Variants in ROCK1 observed in about 807,000 individuals in gnomAD.
ROCK1 encodes Rho associated coiled-coil containing protein kinase 1.
Under a neutral mutation model 196.8 loss-of-function variants are expected in ROCK1, and 36 were observed. The ratio of observed to expected loss-of-function variants is 0.18; its 90% CI spans 0.14 to 0.24. The LOEUF is 0.24. Ranked by LOEUF, ROCK1 falls within the 10% of genes least tolerant of loss-of-function variation. The pLI, the probability that ROCK1 is intolerant of heterozygous loss-of-function variation, is 1.00. For synonymous variants in ROCK1, 443 were observed against 515.9 expected (o/e 0.86, Z 1.91); for missense variants, 920 against 1,562.0 (o/e 0.59, Z 6.93).
chr18:20,952,673 G>T (rs1389058578), intron 32 of ROCK1, among the ~76,000 whole-genome samples: 1 of 151,642 alleles, frequency 6.6e-6, no homozygotes, highest in South Asian at 2.1e-4. Context: ...TACTTGGGAG[G>T]CTGAGGCTGG....
intron 1 of ROCK1, among the ~76,000 whole-genome samples, chr18:21,073,563 T>A (rs2036405631): frequency 1.3e-5 from 2 of 152,226 alleles, no homozygotes; most frequent in Non-Finnish European, 2.9e-5. Context: ...GGTATGAGAA[T>A]TTAATGGCAC....
intron 9 of ROCK1, among the ~76,000 whole-genome samples, chr18:21,036,537 TG>T (rs1398525177): frequency 6.6e-6 from 1 of 152,218 alleles, no homozygotes; most frequent in Non-Finnish European, 1.5e-5. Flanking sequence ...CTTGAACTCC[TG>T]GGCTCAGGTG....
chr18:21,079,451 A>G (rs2036464234), intron 1 of ROCK1, among the ~76,000 whole-genome samples: 1 of 152,228 alleles, frequency 6.6e-6, no homozygotes, highest in African/African-American at 2.4e-5. Context: ...TATCAGGGTC[A>G]TCAGAAAATT....
At chr18:20,987,848 AC>A (rs1391546401) in intron 18 of ROCK1, among the ~76,000 whole-genome samples, 2 of 152,032 alleles carry the variant, frequency 1.3e-5, no homozygotes, top group South Asian at 4.1e-4. Flanking sequence ...TAAAACTGTC[AC>A]CTCTTAAGAC....
At chr18:21,043,547 TTTA>T (rs1184366852) in intron 6 of ROCK1, among the ~76,000 whole-genome samples, 4 of 147,532 alleles carry the variant, frequency 2.7e-5, no homozygotes, top group African/African-American at 1.0e-4. Flanking sequence ...ATTTATGTTA[TTTA>T]TTATATGTAT....
intron 8 of ROCK1, 146 bp downstream of exon 8, chr18:21,041,951 C>A: frequency 1.4e-6 from 1 of 706,904 alleles, no homozygotes. Flanking sequence ...CAAAAGACAT[C>A]TAGAATATCA....
chr18:20,967,342 C>T (rs2035383501), intron 26 of ROCK1, among the ~76,000 whole-genome samples: 1 of 151,980 alleles, frequency 6.6e-6, no homozygotes, highest in Non-Finnish European at 1.5e-5. Context: ...AAAGTTACAA[C>T]AAAAGAAAAT....
rs566048713 is a variant in ROCK1, at chr18:20,948,025, A to G, written c.*3359T>C. The stretch of plus-strand genomic sequence containing the variant: ...CTCGGGAGTCTGAGGCAGGAGGATC[A>G]CTTGAACCTGGGAGGCGGAGGTTGC... On this transcript the variant is annotated 3_prime_UTR_variant, in exon 33 of 33. Coordinates refer to ENST00000399799, the MANE Select transcript of ROCK1 (RefSeq NM_005406.3). The G allele has an allele frequency of 7.2e-5, 11 of 152,012 alleles. 1 individual carries two copies. Among genetic ancestry groups the G allele is most frequent in the Admixed American group, 7.2e-4 (11 of 15,274 alleles). The allele number at this position is 152,012 out of a possible 1,614,324, so 9.4% of individuals were successfully genotyped here.
chr18:20,977,642 G>A (rs1335309972), intron 22 of ROCK1, among the ~76,000 whole-genome samples: 1 of 152,130 alleles, frequency 6.6e-6, no homozygotes, highest in African/African-American at 2.4e-5. Flanking sequence ...GCACAATACT[G>A]GTGATCCATA....
chr18:21,100,018 A>G (rs2036644912), intron 1 of ROCK1, among the ~76,000 whole-genome samples: 1 of 152,200 alleles, frequency 6.6e-6, no homozygotes, highest in Non-Finnish European at 1.5e-5. Flanking sequence ...TCTGGGCGAC[A>G]GAGCAAGACT....
chr18:20,986,748 T>C (rs1421004095), intron 19 of ROCK1, among the ~76,000 whole-genome samples: 4 of 152,180 alleles, frequency 2.6e-5, no homozygotes, highest in Non-Finnish European at 4.4e-5. Context: ...ATGGCATAGA[T>C]CACACAGAGT....
chr18:21,023,646 T>A lies in ROCK1; in HGVS notation c.1246A>T (p.Thr416Ser), dbSNP rs1251000219. ...AAGCTTTTATCTGCATTGGAGCTAG[T>A]TCTGTTATCATTAGGATTTGCTGAA... is the stretch of plus-strand genomic sequence containing the variant. ...LSSANPNDNR[T>S]SSNADKSLQE... The change falls in exon 11 of 33, where the codon ACT becomes TCT. Residue 416 changes from threonine (T) to serine (S), a missense_variant. Physicochemically the swap from Thr to Ser is moderately conservative, Grantham distance 58. This residue lies in a region of ROCK1 where 520 missense variants were observed against 657.1 expected (regional missense o/e 0.79). Transcript: ENST00000399799. The A allele has an allele frequency of 1.3e-6, 2 of 1,580,098 alleles. No homozygotes were observed. Among genetic ancestry groups the A allele is most frequent in the African/African-American group, 2.7e-5 (2 of 73,436 alleles).
chr18:21,030,680 T>C (rs148320561), intron 9 of ROCK1, among the ~76,000 whole-genome samples: 68 of 152,352 alleles, frequency 4.5e-4, no homozygotes, highest in African/African-American at 1.6e-3. Flanking sequence ...AGGCTTTATA[T>C]AATGCCATTT....
chr18:21,059,990 A>G (rs935446526), intron 2 of ROCK1, among the ~76,000 whole-genome samples: 1 of 152,250 alleles, frequency 6.6e-6, no homozygotes, highest in African/African-American at 2.4e-5. Flanking sequence ...CGGCAAATCT[A>G]TAGAGACAGA....
At chr18:20,975,934 T>C (rs1050146839) in intron 22 of ROCK1, among the ~76,000 whole-genome samples, 1 of 152,200 alleles carries the variant, frequency 6.6e-6, no homozygotes, top group East Asian at 1.9e-4. Context: ...TTTAATCACT[T>C]TCTCTTTCTG....
intron 22 of ROCK1, among the ~76,000 whole-genome samples, chr18:20,975,935 T>C (rs2035476437): frequency 6.6e-6 from 1 of 152,198 alleles, no homozygotes; most frequent in South Asian, 2.1e-4. Flanking sequence ...TTAATCACTT[T>C]CTCTTTCTGG....
intron 2 of ROCK1, among the ~76,000 whole-genome samples, chr18:21,062,005 CAT>C (rs1358765563): frequency 1.3e-5 from 2 of 152,140 alleles, no homozygotes; most frequent in African/African-American, 2.4e-5. Flanking sequence ...ACACGTTTAA[CAT>C]GTGTACAGGT....
intron 1 of ROCK1, among the ~76,000 whole-genome samples, chr18:21,096,381 A>G (rs896699672): frequency 6.6e-6 from 1 of 152,058 alleles, no homozygotes; most frequent in African/African-American, 2.4e-5. Flanking sequence ...TTGTATTTTT[A>G]GTAGAGACAG....
chr18:21,049,309 G>T, intron 3 of ROCK1, 80 bp from the exon 4 acceptor site: 1 of 1,090,326 alleles, frequency 9.2e-7, no homozygotes, highest in Non-Finnish European at 1.3e-6. Flanking sequence ...TTTACTAAGT[G>T]CTTTTAATAC....
Sources: gnomAD v4.1 joint callset for allele counts (sites outside exome capture counted in the v4.1 genomes callset) on GRCh38, gnomAD v4.1.1 for gene constraint, gnomAD v4.1.1 regional missense constraint, MANE v1.5 for transcripts, NCBI Gene and HGNC (gene_info 2026-07-23, HGNC 2026-07-21) for gene names.